Variants in SLC22A31 observed in about 807,000 individuals in gnomAD.
The protein encoded by SLC22A31 is putative solute carrier family 22 member 31.
In SLC22A31, 42 loss-of-function variants were observed where a neutral mutation model predicts 27.4. That is an observed-to-expected ratio of 1.53 (90% confidence interval 1.20 to 1.98). The LOEUF is 1.98. SLC22A31 is among the 30% of genes most tolerant of loss of function. The probability of loss-of-function intolerance (pLI) is 0.00; values close to 1 mark genes in which losing one functional copy is unlikely to be tolerated. For missense variants in SLC22A31, 593 were observed against 479.9 expected (o/e 1.24, Z -2.20); for synonymous variants, 290 against 230.8 (o/e 1.26, Z -2.33).
intron 6 of SLC22A31, 45 bp from the exon 7 acceptor site, chr16:89,198,381 T>G: frequency 6.5e-7 from 1 of 1,532,928 alleles, no homozygotes; most frequent in South Asian, 1.2e-5. Context: ...AGCCGGGGAC[T>G]CTGGGGACCA....
At chr16:89,201,291 C>T (rs978432891), upstream of SLC22A31, 81 of 352,998 alleles carry the variant, frequency 2.3e-4, no homozygotes, top group Non-Finnish European at 1.0e-5. Flanking sequence ...AGGAGGCCGG[C>T]GCCGGGCAGC....
chr16:89,200,157 C>G (rs1480749889), intron 1 of SLC22A31: 1 of 201,838 alleles, frequency 5.0e-6, no homozygotes, highest in African/African-American at 2.3e-5. Context: ...TCCGAGGGAC[C>G]CCGGGGACAC....
At position 89,199,823 on chromosome 16, in the gene SLC22A31, G is replaced by A. The variant is rs1916376314; in HGVS notation, c.25-7C>T. 7.5e-6 allele frequency: 3 copies of A among 402,088 alleles called. No individual in the cohort carries two copies. 24.9% of individuals were successfully genotyped at this position (402,088 alleles called of 1,614,324 possible). ...CTCCACACACAAGGTTCCACTATGG[G>A]GAACAGCAGCCACGTGGAGGCCAGC... On this transcript the variant is annotated splice_region_variant and splice_polypyrimidine_tract_variant and intron_variant, in intron 1 of 8. Coordinates refer to ENST00000682282, the MANE Select transcript of SLC22A31 (RefSeq NM_001384763.1).
chr16:89,197,383 G>T lies in SLC22A31; in HGVS notation c.949C>A (p.Leu317Ile). 1 of 1,535,804 alleles carries T rather than the reference G, an allele frequency of 6.5e-7. No individual in the cohort carries two copies. The highest frequency in any genetic ancestry group is 1.2e-5 in the South Asian group (1 of 84,048). The stretch of plus-strand genomic sequence containing the variant: ...GAGGCCAGGAGCCCCAGGACAGAGA[G>T]GAACAGCACAGTCCAGCCTGGCAGA... ...QYLPGWTVLF[L>I]SVLGLLASRA... The change falls in exon 8 of 9, where the codon CTC (leucine) becomes ATC (isoleucine). Residue 317 changes from leucine to isoleucine, a missense_variant. By Grantham distance (5) the Leu-to-Ile change is conservative. Transcript: ENST00000682282.
rs113602629 is a variant in SLC22A31, at chr16:89,196,235, G to T, written c.1105C>A (p.His369Asn). ...TGCAGGAAGAAGCCCTGCCGGCCGTGCAGGGTGTCCAGGGGGCCGGCTGCC... is the reference window on the plus strand; with the variant it reads ...TGCAGGAAGAAGCCCTGCCGGCCGTTCAGGGTGTCCAGGGGGCCGGCTGCC... ...GQAAGPLDTLHGRQGFFLQQV... is the reference protein window; with the variant it reads ...GQAAGPLDTLNGRQGFFLQQV... The change falls in exon 9 of 9, where the codon CAC becomes AAC. Residue 369 changes from histidine (H) to asparagine (N), a missense_variant. Physicochemically the swap from His to Asn is moderately conservative, Grantham distance 68 (BLOSUM62 1). Transcript: ENST00000682282. 1 of 1,534,426 alleles carries T rather than the reference G, an allele frequency of 6.5e-7. No homozygotes were observed. Among genetic ancestry groups the T allele is most frequent in the South Asian group, 1.2e-5 (1 of 84,004 alleles).
chr16:89,199,198 A>G lies in SLC22A31; in HGVS notation c.284-7T>C, dbSNP rs1916304677. 2 of 1,520,086 alleles carry G rather than the reference A, an allele frequency of 1.3e-6. No individual in the cohort carries two copies. Among genetic ancestry groups the G allele is most frequent in the Non-Finnish European group, 1.8e-6 (2 of 1,138,922 alleles). 94.2% of individuals were successfully genotyped at this position (1,520,086 alleles called of 1,614,324 possible). A position where few individuals can be genotyped will look rare whatever the true frequency, so the allele number is the denominator to read the frequency against. ...GGGTCACACAACTCCAGGCCTGGGC[A>G]GACACAGACAGGTTGAAGTGGAGGC... On this transcript the variant is annotated splice_region_variant and splice_polypyrimidine_tract_variant and intron_variant, in intron 3 of 8. Transcript: ENST00000682282.
chr16:89,197,155 T>C, intron 8 of SLC22A31, 143 bp downstream of exon 8: 1 of 627,904 alleles, frequency 1.6e-6, no homozygotes, highest in South Asian at 2.0e-5. Context: ...GGGCAGTGCT[T>C]TACCCCGAGT....
rs1915823834 is a variant in SLC22A31, at chr16:89,195,785, C to T, written c.*214G>A. On this transcript the variant is annotated 3_prime_UTR_variant, in exon 9 of 9. Coordinates refer to ENST00000682282, the MANE Select transcript of SLC22A31 (RefSeq NM_001384763.1). ...GTTCCACAGAAGCCTTTATCCTCCA[C>T]ACCTACTGGGTGTGGCTGGGGGGAG... 2 of 513,594 alleles carry T rather than the reference C, an allele frequency of 3.9e-6. No individual in the cohort carries two copies. The highest frequency in any genetic ancestry group is 6.4e-5 in the East Asian group (2 of 31,302). The allele number at this position is 513,594 out of a possible 1,614,324, so 31.8% of individuals were successfully genotyped here. A position where few individuals can be genotyped will look rare whatever the true frequency, so the allele number is the denominator to read the frequency against.
rs1311558539 is a variant in SLC22A31, at chr16:89,196,032, G to A, written c.1308C>T (p.Ser436=). Residue 436 remains serine, a synonymous_variant, in exon 9 of 9, where the codon TCC becomes TCT. Transcript: ENST00000682282. ...DHLPLLPPSN[S]YWAGHTPEQH is the part of the protein sequence containing the mutation. ...GCTCGGGGGTGTGGCCGGCCCAGTA[G>A]GAGTTGGAGGGCGGCAGCAGAGGCA... The A allele has an allele frequency of 1.9e-5, 29 of 1,525,974 alleles. No individual in the cohort carries two copies. The highest frequency in any genetic ancestry group is 2.4e-5 in the Non-Finnish European group (27 of 1,142,278). 94.5% of individuals were successfully genotyped at this position (1,525,974 alleles called of 1,614,324 possible).
At position 89,196,050 on chromosome 16, in the gene SLC22A31, C is replaced by T. The variant is rs1915853858; in HGVS notation, c.1290G>A (p.Leu430=). Residue 430 remains leucine (L), a synonymous_variant, in exon 9 of 9, where the codon CTG becomes CTA. Transcript: ENST00000682282. Reference sequence around the variant, plus strand: ...CCCAGTAGGAGTTGGAGGGCGGCAGCAGAGGCAGGTGGTCCTGGCGGGGGC... The same window carrying T: ...CCCAGTAGGAGTTGGAGGGCGGCAGTAGAGGCAGGTGGTCCTGGCGGGGGC... ...RGRPRQDHLP[L]LPPSNSYWAG... The T allele has an allele frequency of 2.0e-6, 3 of 1,529,548 alleles. No homozygotes were observed. Among genetic ancestry groups the T allele is most frequent in the Non-Finnish European group, 8.7e-7 (1 of 1,144,156 alleles). The allele number at this position is 1,529,548 out of a possible 1,614,324, so 94.7% of individuals were successfully genotyped here. A position where few individuals can be genotyped will look rare whatever the true frequency, so the allele number is the denominator to read the frequency against.
At position 89,196,207 on chromosome 16, in the gene SLC22A31, T is replaced by C. The variant is rs1185117643; in HGVS notation, c.1133A>G (p.Gln378Arg). 1.3e-6 allele frequency: 2 copies of C among 1,534,808 alleles called. No homozygotes were observed. Residue 378 changes from glutamine to arginine, a missense_variant, in exon 9 of 9, where the codon CAA becomes CGA. Transcript: ENST00000682282. ...GACAGCAAGGGAGGCGAAGACGACT[T>C]GTTGCAGGAAGAAGCCCTGCCGGCC... Reference protein sequence around the residue: ...LHGRQGFFLQQVVFASLAVLA... With the variant: ...LHGRQGFFLQRVVFASLAVLA...
At position 89,198,511 on chromosome 16, in the gene SLC22A31, T is replaced by C; in HGVS notation, c.638A>G (p.Tyr213Cys). ...MLSARSPQPRYHSPLGLLRTR... is the reference protein window; with the variant it reads ...MLSARSPQPRCHSPLGLLRTR... The stretch of plus-strand genomic sequence containing the variant: ...ACGCAGAAGCCCCAGTGGGGAGTGG[T>C]ACCGGGGCTGGGGGCTCCGTGCAGA... Residue 213 changes from tyrosine to cysteine, a missense_variant, in exon 6 of 9, where the codon TAC becomes TGC. Tyr to Cys is a radical substitution (Grantham distance 194, BLOSUM62 -2). Transcript: ENST00000682282. The C allele has an allele frequency of 1.3e-6, 2 of 1,513,908 alleles. No individual in the cohort carries two copies. The highest frequency in any genetic ancestry group is 1.8e-6 in the Non-Finnish European group (2 of 1,134,130). The allele number at this position is 1,513,908 out of a possible 1,614,324, so 93.8% of individuals were successfully genotyped here. A position where few individuals can be genotyped will look rare whatever the true frequency, so the allele number is the denominator to read the frequency against.
chr16:89,199,590 C>T (rs756228929), intron 2 of SLC22A31, 23 bp from the exon 3 acceptor site: 122 of 436,394 alleles, frequency 2.8e-4, no homozygotes, highest in Non-Finnish European at 3.7e-4. Context: ...GGGGGACATG[C>T]TTGGACAGGG....
In SLC22A31 at chr16:89,199,011, C is replaced by T; in HGVS notation, c.452+12G>A. 6.5e-7 allele frequency: 1 copy of T among 1,534,232 alleles called. No individual in the cohort carries two copies. The highest frequency in any genetic ancestry group is 2.0e-5 in the Admixed American group (1 of 50,802). On this transcript the variant is annotated intron_variant, in intron 4 of 8. Coordinates refer to ENST00000682282, the MANE Select transcript of SLC22A31 (RefSeq NM_001384763.1). ...CGATGAGGGCTGCTGGCCCAGCTCC[C>T]ACCACACTTACCCCCAAAAGAGCAG...
intron 8 of SLC22A31, 69 bp downstream of exon 8, chr16:89,197,229 C>A: frequency 8.0e-7 from 1 of 1,246,124 alleles, no homozygotes; most frequent in Non-Finnish European, 1.1e-6. Context: ...GGCCTCCTGT[C>A]CACCTGGCCC....
At chr16:89,198,600 C>T (rs571937867) in intron 5 of SLC22A31, 50 bp from the exon 6 acceptor site, 44 of 1,522,844 alleles carry the variant, frequency 2.9e-5, no homozygotes, top group East Asian at 2.2e-4. Flanking sequence ...TGTGCCTCTC[C>T]GAAGCCCTCC....
chr16:89,196,752 C>T (rs1915967801), intron 8 of SLC22A31, among the ~76,000 whole-genome samples: 1 of 152,036 alleles, frequency 6.6e-6, no homozygotes, highest in South Asian at 2.1e-4. Flanking sequence ...TCGAGACCAT[C>T]CTGGCTATCA....
At position 89,200,473 on chromosome 16, in the gene SLC22A31, C is replaced by G. The variant is rs916446462; in HGVS notation, c.24+5G>C. Among the ~76,000 whole-genome samples, 2 of 152,162 alleles carry G rather than the reference C, an allele frequency of 1.3e-5. No homozygotes were observed. Among genetic ancestry groups the G allele is most frequent in the African/African-American group, 4.8e-5 (2 of 41,428 alleles). ...TATGCCCGAGATTTTACTTTCAAAC[C>G]TGACGTTTTGGGAAAGCTGATGGGG... is the stretch of plus-strand genomic sequence containing the variant. On this transcript the variant is annotated splice_donor_5th_base_variant and intron_variant, in intron 1 of 8. Transcript: ENST00000682282.
chr16:89,197,260 T>G (rs1460652598), intron 8 of SLC22A31, 38 bp downstream of exon 8: 1 of 1,496,446 alleles, frequency 6.7e-7, no homozygotes, highest in Admixed American at 2.0e-5. Flanking sequence ...TGAGAGGCCC[T>G]GGACCCTGCT....
Sources: gnomAD v4.1 joint callset for allele counts (sites outside exome capture counted in the v4.1 genomes callset) on GRCh38, gnomAD v4.1.1 for gene constraint, MANE v1.5 for transcripts, NCBI Gene and HGNC (gene_info 2026-07-23, HGNC 2026-07-21) for gene names.